COL23A1: variants seen among roughly 807,000 people sequenced by gnomAD.
The protein encoded by COL23A1 is collagen alpha-1(XXIII) chain.
Under a neutral mutation model 99.3 loss-of-function variants are expected in COL23A1, and 97 were observed. That is an observed-to-expected ratio of 0.98 (90% CI 0.83 to 1.16). The LOEUF is 1.16. Ranked by LOEUF, COL23A1 falls within the 50% of genes most tolerant of loss-of-function variation. The probability of loss-of-function intolerance (pLI) is 0.00; values close to 1 mark genes in which losing one functional copy is unlikely to be tolerated. For synonymous variants in COL23A1, 320 were observed against 308.2 expected (o/e 1.04, Z -0.40); for missense variants, 762 against 757.4 (o/e 1.01, Z -0.07).
intron 1 of COL23A1, among the ~76,000 whole-genome samples, chr5:178,585,742 C>CGCTGGGGTAACACTCCACAGCCCTGGA: frequency 1.8e-4 from 1 of 5,496 alleles, no homozygotes. Flanking sequence ...ACAGCCCTGG[C>CGCTGGGGTAACACTCCACAGCCCTGGA]TGACCCTGTT....
Position 178,501,320 on chromosome 5 carries a change from C to T in COL23A1, c.361+59362G>A, listed in dbSNP as rs543751446. Among the ~76,000 whole-genome samples, 25 of 152,260 alleles carry T rather than the reference C, an allele frequency of 1.6e-4. 1 individual carries two copies. The South Asian group carries it at 3.1e-3, about 19-fold the overall frequency. On this transcript the variant is annotated intron_variant, in intron 2 of 28. Coordinates refer to ENST00000390654, the MANE Select transcript of COL23A1 (RefSeq NM_173465.4). ...CCAACAGGCCGGGCACAGTGGCTCA[C>T]GCCTGTAATCCCAGCACTTTGGGAG...
At chr5:178,537,987 C>CTGT (rs1761075312) in intron 2 of COL23A1, among the ~76,000 whole-genome samples, 1 of 152,366 alleles carries the variant, frequency 6.6e-6, no homozygotes, top group African/African-American at 2.4e-5. Context: ...AGTATCCGTC[C>CTGT]TGTTGTGACT....
At chr5:178,520,042 T>G (rs1283940267) in intron 2 of COL23A1, among the ~76,000 whole-genome samples, 1 of 152,078 alleles carries the variant, frequency 6.6e-6, no homozygotes, top group Admixed American at 6.5e-5. Flanking sequence ...GGTCAGATGA[T>G]GGACAGATGC....
chr5:178,445,812 A>G (rs1004548287), intron 2 of COL23A1, among the ~76,000 whole-genome samples: 1 of 152,088 alleles, frequency 6.6e-6, no homozygotes, highest in Non-Finnish European at 1.5e-5. Flanking sequence ...GTTTAGAATC[A>G]AAAAATAAAA....
intron 2 of COL23A1, among the ~76,000 whole-genome samples, chr5:178,458,837 C>A (rs1755949501): frequency 6.6e-6 from 1 of 152,152 alleles, no homozygotes; most frequent in African/African-American, 2.4e-5. Context: ...TGCACCCCAC[C>A]ACTTAATATT....
chr5:178,437,496 A>G (rs1254554049), intron 2 of COL23A1, among the ~76,000 whole-genome samples: 1 of 152,156 alleles, frequency 6.6e-6, no homozygotes, highest in Admixed American at 6.5e-5. Context: ...TTGCCAGTGG[A>G]TGAGTGGATG....
intron 2 of COL23A1, among the ~76,000 whole-genome samples, chr5:178,334,732 G>A (rs1239779715): frequency 2.0e-5 from 3 of 152,184 alleles, no homozygotes; most frequent in African/African-American, 4.8e-5. Flanking sequence ...TAGATGACAC[G>A]AACCAAGGGA....
At chr5:178,564,440 C>G (rs997784613) in intron 1 of COL23A1, among the ~76,000 whole-genome samples, 10 of 151,474 alleles carry the variant, frequency 6.6e-5, no homozygotes, top group African/African-American at 2.2e-4. Context: ...GAAAATATTC[C>G]TTTGTGTCCA....
chr5:178,411,944 A>C (rs546260344), intron 2 of COL23A1, among the ~76,000 whole-genome samples: 1 of 152,370 alleles, frequency 6.6e-6, no homozygotes, highest in Admixed American at 6.5e-5. Context: ...CTGAGAGAAT[A>C]AGTCGGCATC....
At chr5:178,473,639 T>C (rs1337725399) in intron 2 of COL23A1, among the ~76,000 whole-genome samples, 1 of 151,924 alleles carries the variant, frequency 6.6e-6, no homozygotes, top group Non-Finnish European at 1.5e-5. Context: ...TTTGGGTACC[T>C]ATGAGGGATC....
At chr5:178,551,595 G>A (rs1029378376) in intron 2 of COL23A1, among the ~76,000 whole-genome samples, 5 of 152,150 alleles carry the variant, frequency 3.3e-5, no homozygotes, top group African/African-American at 4.8e-5. Flanking sequence ...CAGTTTGTGA[G>A]TTCTGTCCAC....
chr5:178,293,619 A>G (rs1009937397), intron 3 of COL23A1, among the ~76,000 whole-genome samples: 2 of 149,374 alleles, frequency 1.3e-5, no homozygotes, highest in African/African-American at 5.0e-5. Flanking sequence ...TGTGGAGGGG[A>G]CTGGGTTCAG....
At chr5:178,581,334 G>C (rs1581678936) in intron 1 of COL23A1, among the ~76,000 whole-genome samples, 1 of 152,154 alleles carries the variant, frequency 6.6e-6, no homozygotes, top group African/African-American at 2.4e-5. Context: ...GGGAGGCCAA[G>C]GCAGGCAAAT....
chr5:178,239,824 C>G (rs533520059), intron 27 of COL23A1, among the ~76,000 whole-genome samples: 1 of 126,100 alleles, frequency 7.9e-6, no homozygotes, highest in East Asian at 2.1e-4. Flanking sequence ...GACAGTGACT[C>G]TGGCCTGGGT....
intron 2 of COL23A1, among the ~76,000 whole-genome samples, chr5:178,481,213 G>A (rs1238357748): frequency 6.7e-6 from 1 of 149,318 alleles, no homozygotes; most frequent in Non-Finnish European, 1.5e-5. Context: ...AAAAAACAAT[G>A]TGACCATAAT....
chr5:178,431,634 C>T (rs777342414), intron 2 of COL23A1, among the ~76,000 whole-genome samples: 6 of 152,192 alleles, frequency 3.9e-5, no homozygotes, highest in South Asian at 2.1e-4. Context: ...ACGCTGGCAG[C>T]GGCCAGGAGC....
rs1756836914 is a variant in COL23A1 at position 178,280,466 on chromosome 5, G to A, written c.441+7858C>T. 6.6e-6 allele frequency among the ~76,000 whole-genome samples: 1 copy of A among 152,140 alleles called. No homozygotes were observed. Among genetic ancestry groups the A allele is most frequent in the African/African-American group, 2.4e-5 (1 of 41,422 alleles). On this transcript the variant is annotated intron_variant, in intron 5 of 28. Coordinates refer to ENST00000390654, the MANE Select transcript of COL23A1 (RefSeq NM_173465.4). The surrounding 1 kb of genome is among the most constrained non-coding windows in gnomAD (Gnocchi z 4.9). ...GGCCACATGGACTATAGACCCCTGG[G>A]CCCATTCTGTCTCCACTGCATGGGC...
intron 2 of COL23A1, among the ~76,000 whole-genome samples, chr5:178,419,350 A>G (rs1204019537): frequency 1.3e-5 from 2 of 152,328 alleles, no homozygotes; most frequent in African/African-American, 4.8e-5. Flanking sequence ...GGAACAGCAG[A>G]GCCAAGGCGA....
Position 178,451,656 on chromosome 5 carries a change from C to CAAAA in COL23A1, c.361+109022_361+109025dup, listed in dbSNP as rs5873614. On this transcript the variant is annotated intron_variant, in intron 2 of 28. Transcript: ENST00000390654. The stretch of plus-strand genomic sequence containing the variant: ...TGGGCGACAGAGCGAAACTCCATCT[C>CAAAA]AAAAAAAAAAAAAAAAAAAATTAAC... Among the ~76,000 whole-genome samples, 342 of 105,466 alleles carry CAAAA rather than the reference C, an allele frequency of 3.2e-3. 5 individuals are homozygous for CAAAA. Among genetic ancestry groups the CAAAA allele is most frequent in the African/African-American group, 0.012 (306 of 25,450 alleles). The allele number at this position is 105,466 out of a possible 152,430, so 69.2% of individuals were successfully genotyped here. A position where few individuals can be genotyped will look rare whatever the true frequency, so the allele number is the denominator to read the frequency against.
Sources: allele counts gnomAD v4.1 joint callset (sites outside exome capture counted in the v4.1 genomes callset), GRCh38; gene constraint gnomAD v4.1.1; non-coding constraint Gnocchi (gnomAD v3.1); transcripts MANE v1.5; gene names NCBI Gene and HGNC (gene_info 2026-07-23, HGNC 2026-07-21).